The following EPB41L2 variants were observed in gnomAD, a reference collection of about 807,000 sequenced individuals.
The protein encoded by EPB41L2 is band 4.1-like protein 2.
EPB41L2 carries 43 observed loss-of-function variants against 113.0 expected under a neutral mutation model. The observed-to-expected ratio is 0.38, with a 90% CI of 0.30 to 0.49. EPB41L2 has a LOEUF of 0.49. EPB41L2 is among the 20% of genes least tolerant of loss of function. The pLI, the probability that EPB41L2 is intolerant of heterozygous loss-of-function variation, is 0.95. For synonymous variants in EPB41L2, 442 were observed against 436.7 expected, an observed-to-expected ratio of 1.01 and a Z score of -0.15; for missense variants, 1,147 against 1,223.4, an observed-to-expected ratio of 0.94 and a Z score of 0.93.
At chr6:130,915,990 C>T (rs531990295) in intron 4 of EPB41L2, among the ~76,000 whole-genome samples, 161 of 152,240 alleles carry the variant, frequency 1.1e-3, no homozygotes, top group African/African-American at 3.8e-3. Flanking sequence ...ATATACATAC[C>T]TATTACTTTG....
rs897545221 is a variant in EPB41L2 at position 131,002,663 on chromosome 6, G to A, written c.-14-46164C>T. Among the ~76,000 whole-genome samples, 6 of 152,172 alleles carry A rather than the reference G, an allele frequency of 3.9e-5. No individual in the cohort carries two copies. In the South Asian group the frequency reaches 1.2e-3, roughly 32 times the overall value. On this transcript the variant is annotated intron_variant, in intron 1 of 19. Coordinates refer to ENST00000337057, the MANE Select transcript of EPB41L2 (RefSeq NM_001431.4). ...TTAATGGATTTATTAGTTTTAATAT[G>A]GTGGAAGAGAAATACTTCAGATATG...
intron 1 of EPB41L2, among the ~76,000 whole-genome samples, chr6:131,054,857 G>C (rs1797309165): frequency 6.6e-6 from 1 of 152,210 alleles, no homozygotes; most frequent in African/African-American, 2.4e-5. Flanking sequence ...ACAAGAGCAG[G>C]GAGAAGGAGG....
chr6:130,939,257 C>CA (rs1358539823), intron 3 of EPB41L2, among the ~76,000 whole-genome samples: 1 of 145,852 alleles, frequency 6.9e-6, no homozygotes, highest in Non-Finnish European at 1.5e-5. Flanking sequence ...ACCCAAATAA[C>CA]TTTTTTTTTT....
At chr6:130,872,798 G>C (rs746340667) in intron 14 of EPB41L2, among the ~76,000 whole-genome samples, 1 of 152,146 alleles carries the variant, frequency 6.6e-6, no homozygotes, top group Non-Finnish European at 1.5e-5. Flanking sequence ...ATCACCAACT[G>C]AGCACAACCG....
intron 1 of EPB41L2, among the ~76,000 whole-genome samples, chr6:131,021,195 G>A (rs150541593): frequency 8.8e-4 from 134 of 152,302 alleles, no homozygotes; most frequent in Middle Eastern, 3.4e-3. Context: ...AGCTCATGCA[G>A]AAGAATATCA....
At chr6:131,062,876 C>CCGGGATCCGGCCCGGAGCAA (rs1484537348) in intron 1 of EPB41L2, among the ~76,000 whole-genome samples, 4 of 151,986 alleles carry the variant, frequency 2.6e-5, no homozygotes, top group African/African-American at 9.7e-5. Context: ...AGCAGCGAAG[C>CCGGGATCCGGCCCGGAGCAA]CGGGATCCGG....
Position 130,930,123 on chromosome 6 carries a change from T to A in EPB41L2, c.706-3414A>T, listed in dbSNP as rs971435740. 5.3e-5 allele frequency among the ~76,000 whole-genome samples: 8 copies of A among 152,094 alleles called. No homozygotes were observed. The South Asian group carries it at 1.2e-3, about 24-fold the overall frequency. On this transcript the variant is annotated intron_variant, in intron 3 of 19. Transcript: ENST00000337057. ...TGATTACTGAGCACCAAAACACCTA[T>A]TTGTATAACAGACACCCTGAGGAGT...
intron 1 of EPB41L2, among the ~76,000 whole-genome samples, chr6:130,987,042 T>G (rs993809996): frequency 3.3e-5 from 5 of 152,184 alleles, no homozygotes; most frequent in Non-Finnish European, 7.3e-5. Context: ...TCATACATGT[T>G]GTAACATATC....
In EPB41L2 at chr6:130,899,600, ATTATC is replaced by A. The variant is rs760377046; in HGVS notation, c.1149-27_1149-23del. ...GCCCCTGAGAATCAAAAGAAACAGT[ATTATC>A]TTATTAATGGATGCAGAGCAAATGT... On this transcript the variant is annotated intron_variant, in intron 7 of 19. Coordinates refer to ENST00000337057, the MANE Select transcript of EPB41L2 (RefSeq NM_001431.4). 198 of 1,595,586 alleles carry A rather than the reference ATTATC, an allele frequency of 1.2e-4. 2 individuals are homozygous for A. The East Asian group carries it at 4.4e-3, about 36-fold the overall frequency.
chr6:130,908,967 GT>G, intron 4 of EPB41L2, 104 bp from the exon 5 acceptor site: 1 of 937,282 alleles, frequency 1.1e-6, no homozygotes, highest in Non-Finnish European at 1.6e-6. Context: ...TTTTAATAAA[GT>G]ATTATTCAAA....
chr6:130,995,124 C>A (rs1782781510), intron 1 of EPB41L2, among the ~76,000 whole-genome samples: 1 of 150,506 alleles, frequency 6.6e-6, no homozygotes, highest in Non-Finnish European at 1.5e-5. Flanking sequence ...ATCACGAGGT[C>A]AGGAGATCAA....
intron 7 of EPB41L2, 97 bp from the exon 8 acceptor site, chr6:130,899,675 A>C: frequency 8.7e-7 from 1 of 1,150,838 alleles, no homozygotes; most frequent in Non-Finnish European, 1.3e-6. Context: ...TTTGGAGGAG[A>C]GAAAGTTACC....
intron 14 of EPB41L2, among the ~76,000 whole-genome samples, chr6:130,871,262 CA>C (rs901438342): frequency 4.6e-5 from 7 of 152,256 alleles, no homozygotes; most frequent in Admixed American, 3.9e-4. Context: ...CTCACACTTA[CA>C]AAAAGTCTGC....
intron 1 of EPB41L2, among the ~76,000 whole-genome samples, chr6:131,056,270 T>C (rs1797573863): frequency 6.6e-6 from 1 of 152,224 alleles, no homozygotes; most frequent in African/African-American, 2.4e-5. Flanking sequence ...ACAAGTTTAC[T>C]GTGGTTATAG....
intron 3 of EPB41L2, among the ~76,000 whole-genome samples, chr6:130,946,802 G>A (rs967882995): frequency 2.0e-5 from 3 of 152,074 alleles, no homozygotes; most frequent in African/African-American, 7.2e-5. Flanking sequence ...ATGCCCCCAT[G>A]AATTATGTTT....
At chr6:131,025,922 A>G (rs1027009123) in intron 1 of EPB41L2, among the ~76,000 whole-genome samples, 6 of 152,180 alleles carry the variant, frequency 3.9e-5, no homozygotes, top group African/African-American at 1.4e-4. Context: ...AAGAGTATAC[A>G]AAAGTCATCA....
At chr6:130,840,681 T>A (rs1775192185) in intron 19 of EPB41L2, 83 bp from the exon 20 acceptor site, 2 of 149,938 alleles carry the variant, frequency 1.3e-5, no homozygotes, top group South Asian at 4.3e-4. Flanking sequence ...GTAACATTCA[T>A]CAAGTTTTCA....
intron 1 of EPB41L2, among the ~76,000 whole-genome samples, chr6:131,023,763 A>C (rs1365376331): frequency 1.3e-5 from 1 of 79,644 alleles, no homozygotes; most frequent in Admixed American, 1.2e-4. Context: ...ATAGATATAT[A>C]GATATATAGA....
chr6:130,901,232 T>C (rs1293782462), intron 6 of EPB41L2, 52 bp from the exon 7 acceptor site: 6 of 1,531,742 alleles, frequency 3.9e-6, no homozygotes, highest in Admixed American at 1.7e-5. Flanking sequence ...TAGGTGAGAT[T>C]GGAGCACTCA....
Sources: allele counts gnomAD v4.1 joint callset (sites outside exome capture counted in the v4.1 genomes callset), GRCh38; gene constraint gnomAD v4.1.1; transcripts MANE v1.5; gene names NCBI Gene and HGNC (gene_info 2026-07-23, HGNC 2026-07-21).